CCDC178: variants seen among roughly 807,000 people sequenced by gnomAD.
CCDC178 encodes coiled-coil domain-containing protein 178.
In CCDC178, 126 loss-of-function variants were observed where a neutral mutation model predicts 117.4. That is an observed-to-expected ratio of 1.07 (90% CI 0.93 to 1.24). CCDC178 has a LOEUF of 1.24. Among genes scored for constraint, CCDC178 ranks in the 50% most tolerant of loss-of-function variants. The pLI is 0.00. For missense variants in CCDC178, 1,030 were observed against 986.9 expected, an observed-to-expected ratio of 1.04 and a Z score of -0.59; for synonymous variants, 283 against 313.4, an observed-to-expected ratio of 0.90 and a Z score of 1.02.
intron 21 of CCDC178, among the ~76,000 whole-genome samples, chr18:32,985,336 T>G (rs1282829640): frequency 6.6e-6 from 1 of 151,982 alleles, no homozygotes. Flanking sequence ...CGGGACAGCC[T>G]AAGTGTGGAA....
At chr18:33,373,140 T>G (rs925571130) in intron 5 of CCDC178, among the ~76,000 whole-genome samples, 16 of 152,168 alleles carry the variant, frequency 1.1e-4, no homozygotes, top group Non-Finnish European at 1.9e-4. Flanking sequence ...TTGTTATACA[T>G]GAGAAAAATA....
chr18:33,299,981 C>T (rs1007027137), intron 11 of CCDC178, among the ~76,000 whole-genome samples: 2 of 152,174 alleles, frequency 1.3e-5, no homozygotes, highest in Non-Finnish European at 2.9e-5. Context: ...CCCTAAATCT[C>T]ATGCTGAGCC....
rs556954250 is a variant in CCDC178, at chr18:32,951,604, T to C, written c.2524-13513A>G. Among the ~76,000 whole-genome samples, 5 of 152,260 alleles carry C rather than the reference T, an allele frequency of 3.3e-5. No homozygotes were observed. The South Asian group carries it at 6.2e-4, about 19-fold the overall frequency. The stretch of plus-strand genomic sequence containing the variant: ...AAGACTATAGGACTATAAATTGAGA[T>C]TTGGGTGGGGCACCAAGCCAAACCA... On this transcript the variant is annotated intron_variant, in intron 22 of 22. Transcript: ENST00000383096.
intron 20 of CCDC178, among the ~76,000 whole-genome samples, chr18:33,140,270 G>A (rs1457184655): frequency 6.6e-6 from 1 of 152,048 alleles, no homozygotes; most frequent in Non-Finnish European, 1.5e-5. Context: ...GTCCCTACTG[G>A]GGCATCACCT....
chr18:33,276,573 G>A (rs1252018687), intron 12 of CCDC178, among the ~76,000 whole-genome samples: 1 of 152,110 alleles, frequency 6.6e-6, no homozygotes, highest in African/African-American at 2.4e-5. Context: ...AATGTGTTCT[G>A]GAAGCCAAAA....
At chr18:32,938,801 G>C (rs1230772780) in intron 22 of CCDC178, among the ~76,000 whole-genome samples, 1 of 152,080 alleles carries the variant, frequency 6.6e-6, no homozygotes. Flanking sequence ...TTGTCTTAAG[G>C]TTTATCTATT....
At chr18:33,321,720 C>A in intron 11 of CCDC178, among the ~76,000 whole-genome samples, 1 of 150,342 alleles carries the variant, frequency 6.7e-6, no homozygotes, top group East Asian at 1.9e-4. Flanking sequence ...AAGAAAATAC[C>A]AATAATCAAC....
intron 5 of CCDC178, among the ~76,000 whole-genome samples, chr18:33,384,611 C>A (rs2144805593): frequency 6.6e-6 from 1 of 152,244 alleles, no homozygotes; most frequent in Middle Eastern, 3.4e-3. Flanking sequence ...TCAGGCCAAA[C>A]TAAGCTTCAT....
chr18:33,009,403 C>CACCT (rs1263909547), intron 21 of CCDC178, among the ~76,000 whole-genome samples: 1 of 152,002 alleles, frequency 6.6e-6, no homozygotes, highest in African/African-American at 2.4e-5. Flanking sequence ...TCTCTGTTCT[C>CACCT]ACCTTCCCCT....
At chr18:33,297,999 A>G (rs1173560134) in intron 11 of CCDC178, among the ~76,000 whole-genome samples, 1 of 151,706 alleles carries the variant, frequency 6.6e-6, no homozygotes. Flanking sequence ...CCGAGATTGC[A>G]CACTGCACTC....
chr18:33,397,286 G>T, intron 3 of CCDC178, 78 bp from the exon 4 acceptor site: 1 of 910,414 alleles, frequency 1.1e-6, no homozygotes, highest in Non-Finnish European at 1.7e-6. Flanking sequence ...CACTAGTAAG[G>T]ATACGGGAAG....
At chr18:32,984,798 A>G (rs1359335341) in intron 21 of CCDC178, among the ~76,000 whole-genome samples, 2 of 152,050 alleles carry the variant, frequency 1.3e-5, no homozygotes, top group African/African-American at 4.8e-5. Flanking sequence ...ACAGCTAAAT[A>G]TGAAAGATTA....
chr18:32,999,895 C>A (rs2055596895), intron 21 of CCDC178, among the ~76,000 whole-genome samples: 1 of 151,910 alleles, frequency 6.6e-6, no homozygotes, highest in Non-Finnish European at 1.5e-5. Context: ...TACAAACAAG[C>A]CCATACTGCA....
In CCDC178 at chr18:33,313,176, C is replaced by T. The variant is rs570383544; in HGVS notation, c.1022+10315G>A. On this transcript the variant is annotated intron_variant, in intron 11 of 22. Transcript: ENST00000383096. ...TTCCAGGTACACCTATTCCATCTTA[C>T]ATGCACATAGGGCTATTTGGAAGAA... Among the ~76,000 whole-genome samples the T allele has an allele frequency of 3.9e-5, 6 of 152,298 alleles. No individual in the cohort carries two copies. The South Asian group carries it at 8.3e-4, about 21-fold the overall frequency.
chr18:33,366,631 C>A (rs553630533), intron 6 of CCDC178, among the ~76,000 whole-genome samples: 1 of 151,776 alleles, frequency 6.6e-6, no homozygotes, highest in Admixed American at 6.6e-5. Flanking sequence ...TATACAAATC[C>A]GTGGTTTTTA....
chr18:32,965,872 T>A (rs2054802156), intron 22 of CCDC178, among the ~76,000 whole-genome samples: 1 of 150,294 alleles, frequency 6.7e-6, no homozygotes, highest in Admixed American at 6.7e-5. Context: ...TATTCATATA[T>A]GAAACTTGAA....
intron 10 of CCDC178, among the ~76,000 whole-genome samples, chr18:33,331,664 C>T (rs1173705494): frequency 6.6e-6 from 1 of 152,140 alleles, no homozygotes; most frequent in African/African-American, 2.4e-5. Flanking sequence ...CAACCTGACA[C>T]ATTGTCACCC....
chr18:33,293,305 T>C lies in CCDC178; in HGVS notation c.1030A>G (p.Ile344Val), dbSNP rs2062062031. ...TCAAATAGACTGTTAAGTTGATATATCTCTCTCCTAGGGATAAAAACACAG... is the reference window on the plus strand; with the variant it reads ...TCAAATAGACTGTTAAGTTGATATACCTCTCTCCTAGGGATAAAAACACAG... The part of the protein sequence containing the change: ...EKTIEAYKRE[I>V]YQLNSLFDHY... The change falls in exon 12 of 23, where the codon ATA (isoleucine) becomes GTA (valine). Residue 344 changes from isoleucine (I) to valine (V), a missense_variant. By Grantham distance (29) the Ile-to-Val change is conservative (BLOSUM62 3). Coordinates refer to ENST00000383096, the MANE Select transcript of CCDC178 (RefSeq NM_001105528.4). 5 of 1,493,984 alleles carry C rather than the reference T, an allele frequency of 3.3e-6. No homozygotes were observed. Among genetic ancestry groups the C allele is most frequent in the East Asian group, 2.3e-5 (1 of 43,562 alleles). The allele number at this position is 1,493,984 out of a possible 1,614,324, so 92.5% of individuals were successfully genotyped here.
intron 21 of CCDC178, among the ~76,000 whole-genome samples, chr18:33,001,355 T>C (rs1332533651): frequency 2.0e-5 from 3 of 151,600 alleles, no homozygotes; most frequent in African/African-American, 7.3e-5. Context: ...CCTACTAAAA[T>C]ACAAAAAATT....
Sources: gnomAD v4.1 joint callset for allele counts (sites outside exome capture counted in the v4.1 genomes callset) on GRCh38, gnomAD v4.1.1 for gene constraint, MANE v1.5 for transcripts, NCBI Gene and HGNC (gene_info 2026-07-23, HGNC 2026-07-21) for gene names.